Variants in PIK3C2G observed in about 807,000 individuals in gnomAD.
The protein encoded by PIK3C2G is phosphatidylinositol-4-phosphate 3-kinase catalytic subunit type 2 gamma, also known as phosphatidylinositol 3-kinase C2 domain-containing subunit gamma.
In PIK3C2G, 168 loss-of-function variants were observed where a neutral mutation model predicts 181.1. The observed-to-expected ratio is 0.93, with a 90% confidence interval of 0.82 to 1.05. The LOEUF (loss-of-function observed/expected upper bound fraction) is 1.05, where lower values mean the gene tolerates loss of function less well. Ranked by LOEUF, PIK3C2G falls within the 50% of genes least tolerant of loss-of-function variation. The pLI is 0.00. For synonymous variants in PIK3C2G, 573 were observed against 592.2 expected, an observed-to-expected ratio of 0.97 and a Z score of 0.47; for missense variants, 1,869 against 1,732.8, an observed-to-expected ratio of 1.08 and a Z score of -1.40.
chr12:18,272,124 T>C (rs1345086672), intron 1 of PIK3C2G, among the ~76,000 whole-genome samples: 1 of 152,212 alleles, frequency 6.6e-6, no homozygotes, highest in African/African-American at 2.4e-5. Flanking sequence ...ATTGCATGGC[T>C]TTATTTTCCC....
At chr12:18,314,213 C>A (rs1379381389) in intron 6 of PIK3C2G, 149 bp downstream of exon 6, 2 of 584,402 alleles carry the variant, frequency 3.4e-6, no homozygotes, top group Non-Finnish European at 6.1e-6. Context: ...GATGAAATAT[C>A]TTATCTAAAT....
intron 26 of PIK3C2G, among the ~76,000 whole-genome samples, chr12:18,556,561 C>T (rs1945023198): frequency 6.6e-6 from 1 of 152,138 alleles, no homozygotes; most frequent in Non-Finnish European, 1.5e-5. Context: ...AAACTGATAT[C>T]TTCATGAGAA....
intron 20 of PIK3C2G, chr12:18,493,109 G>T (rs1350801625): frequency 6.6e-6 from 1 of 152,226 alleles, no homozygotes; most frequent in Non-Finnish European, 1.5e-5. Context: ...AATGAGTATG[G>T]AAAAGCTCTC....
chr12:18,597,438 A>C (rs901353796), intron 30 of PIK3C2G, among the ~76,000 whole-genome samples: 10 of 152,250 alleles, frequency 6.6e-5, no homozygotes, highest in African/African-American at 1.4e-4. Context: ...TAAAAATAAT[A>C]ATATAAAGCA....
chr12:18,556,480 G>A (rs1476430164), intron 26 of PIK3C2G, among the ~76,000 whole-genome samples: 1 of 152,128 alleles, frequency 6.6e-6, no homozygotes, highest in East Asian at 1.9e-4. Flanking sequence ...TAAGAATAAG[G>A]TATGGGCATA....
rs544870102 is a variant in PIK3C2G at position 18,510,575 on chromosome 12, C to T, written c.3323+5114C>T. 3.9e-5 allele frequency among the ~76,000 whole-genome samples: 6 copies of T among 152,170 alleles called. No homozygotes were observed. In the East Asian group the frequency reaches 5.8e-4, roughly 15 times the overall value. Reference sequence around the variant, plus strand: ...TGTTTTCATATTCTATATGGCCTTTCGCTTTGCTGATGCTAGCCTTGCATT... The same window carrying T: ...TGTTTTCATATTCTATATGGCCTTTTGCTTTGCTGATGCTAGCCTTGCATT... On this transcript the variant is annotated intron_variant, in intron 24 of 32. Transcript: ENST00000538779.
chr12:18,610,163 T>C (rs1948260659), intron 31 of PIK3C2G, among the ~76,000 whole-genome samples: 1 of 152,034 alleles, frequency 6.6e-6, no homozygotes, highest in Non-Finnish European at 1.5e-5. Flanking sequence ...GAGGAAGCAT[T>C]CTGTGTCACA....
chr12:18,366,817 C>A (rs571815786), intron 12 of PIK3C2G, among the ~76,000 whole-genome samples: 4 of 150,500 alleles, frequency 2.7e-5, no homozygotes, highest in African/African-American at 9.7e-5. Context: ...AAGTTCATTC[C>A]TTTGACTTTT....
chr12:18,556,732 T>A (rs2136309335), intron 26 of PIK3C2G, among the ~76,000 whole-genome samples: 1 of 152,304 alleles, frequency 6.6e-6, no homozygotes, highest in African/African-American at 2.4e-5. Context: ...AAAGTGCTGA[T>A]GAAGAAATAA....
chr12:18,678,602 A>G, the PIK3C2G span, among the ~76,000 whole-genome samples: 1 of 152,092 alleles, frequency 6.6e-6, no homozygotes, highest in Non-Finnish European at 1.5e-5. Flanking sequence ...GGAACCACAC[A>G]GTACATAACT....
chr12:18,502,323 G>C (rs973960154), intron 22 of PIK3C2G, among the ~76,000 whole-genome samples: 1 of 152,080 alleles, frequency 6.6e-6, no homozygotes. Context: ...ATGCTTTTTA[G>C]GTAGATCATT....
At chr12:18,364,490 ATT>A (rs757394588) in intron 12 of PIK3C2G, among the ~76,000 whole-genome samples, 2 of 151,124 alleles carry the variant, frequency 1.3e-5, no homozygotes, top group African/African-American at 4.9e-5. Context: ...TAATACAAAG[ATT>A]TTTTTTTTAA....
At chr12:18,539,330 G>A (rs1339731344) in intron 25 of PIK3C2G, among the ~76,000 whole-genome samples, 1 of 151,782 alleles carries the variant, frequency 6.6e-6, no homozygotes, top group Non-Finnish European at 1.5e-5. Context: ...ATTGTGCTAA[G>A]TGCTTTGTGT....
chr12:18,671,904 A>G, the PIK3C2G span, among the ~76,000 whole-genome samples: 36 of 152,126 alleles, frequency 2.4e-4, no homozygotes, highest in African/African-American at 2.2e-4. Context: ...TCTCCCATAT[A>G]TAGCACCTTT....
At chr12:18,672,493 C>T in the PIK3C2G span, among the ~76,000 whole-genome samples, 2 of 151,968 alleles carry the variant, frequency 1.3e-5, no homozygotes, top group African/African-American at 4.8e-5. Context: ...GTTAAAACAA[C>T]TATATAAAAA....
chr12:18,255,189 C>A (rs1484442236), intron 1 of PIK3C2G, among the ~76,000 whole-genome samples: 1 of 149,446 alleles, frequency 6.7e-6, no homozygotes, highest in Non-Finnish European at 1.5e-5. Flanking sequence ...GCACTCCAGC[C>A]TGGGCAATGA....
At chr12:18,443,797 G>A (rs1328222952) in intron 18 of PIK3C2G, among the ~76,000 whole-genome samples, 2 of 152,076 alleles carry the variant, frequency 1.3e-5, no homozygotes, top group African/African-American at 4.8e-5. Flanking sequence ...TGTTGTATAT[G>A]CCATCTCTAA....
At chr12:18,394,135 T>C (rs61914530) in intron 15 of PIK3C2G, among the ~76,000 whole-genome samples, 19,492 of 152,038 alleles carry the variant, frequency 0.13, 1,289 homozygotes, top group African/African-American at 0.16. Context: ...TGGAGAAAGC[T>C]CACAGGCTGT....
chr12:18,395,121 T>TTCTTTCTTTCTTTCTTTCTC (rs2138084111), intron 15 of PIK3C2G, among the ~76,000 whole-genome samples: 2 of 149,058 alleles, frequency 1.3e-5, no homozygotes, highest in African/African-American at 4.9e-5. Flanking sequence ...CTTTCTCTCT[T>TTCTTTCTTTCTTTCTTTCTC]TCCCTTCTTT....
Sources: gnomAD v4.1 joint callset for allele counts (sites outside exome capture counted in the v4.1 genomes callset) on GRCh38, gnomAD v4.1.1 for gene constraint, MANE v1.5 for transcripts, NCBI Gene and HGNC (gene_info 2026-07-23, HGNC 2026-07-21) for gene names.